LIG3: variants seen among roughly 807,000 people sequenced by gnomAD.
The protein encoded by LIG3 is ligase II, DNA, ATP-dependent.
In LIG3, 58 loss-of-function variants were observed where a neutral mutation model predicts 110.9. The ratio of observed to expected loss-of-function variants is 0.52; its 90% CI spans 0.42 to 0.65. The LOEUF (loss-of-function observed/expected upper bound fraction) is 0.65. Ranked by LOEUF, LIG3 falls within the 30% of genes least tolerant of loss-of-function variation. The probability of loss-of-function intolerance (pLI) is 0.00; values close to 1 mark genes in which losing one functional copy is unlikely to be tolerated. For synonymous variants in LIG3, 422 were observed against 472.8 expected (o/e 0.89, Z 1.39); for missense variants, 1,094 against 1,273.8 (o/e 0.86, Z 2.15).
Position 34,986,064 on chromosome 17 carries a change from G to A in LIG3, c.624G>A (p.Val208=), listed in dbSNP as rs1245081624. ...VQAKLTTTGQ[V]TSPVKGASFV... ...CTAAGTTGACAACCACTGGCCAGGT[G>A]ACTTCTCCAGTGAAAGGCGCCTCAT... Residue 208 remains valine (V), a synonymous_variant, in exon 3 of 20, where the codon GTG becomes GTA. Coordinates refer to ENST00000378526, the MANE Select transcript of LIG3 (RefSeq NM_013975.4). 1 of 1,614,118 alleles carries A rather than the reference G, an allele frequency of 6.2e-7. No individual in the cohort carries two copies. Among genetic ancestry groups the A allele is most frequent in the Admixed American group, 1.7e-5 (1 of 60,020 alleles).
downstream of LIG3, chr17:35,010,396 A>G (rs910397363): frequency 6.6e-6 from 1 of 152,226 alleles, no homozygotes; most frequent in African/African-American, 2.4e-5. Flanking sequence ...CTAGGGGTGT[A>G]AAGACTGTGA....
At chr17:35,001,873 A>G (rs1481978398) in intron 17 of LIG3, 36 bp from the exon 18 acceptor site, 1 of 1,585,668 alleles carries the variant, frequency 6.3e-7, no homozygotes, top group Admixed American at 1.9e-5. Flanking sequence ...CTGGGAAGGC[A>G]ATGAAACCCT....
rs988309193 is a variant in LIG3, at chr17:35,008,739, C to T, written c.*4233C>T. On this transcript the variant is annotated 3_prime_UTR_variant, in exon 20 of 20. Coordinates refer to ENST00000378526, the MANE Select transcript of LIG3 (RefSeq NM_013975.4). ...CTCCGCCTCCCGGGTTCACACCATT[C>T]TCCTGCCTCAGCCTCCCGAGTAGCT... is the stretch of plus-strand genomic sequence containing the variant. The T allele has an allele frequency of 2.6e-5, 4 of 152,186 alleles. No homozygotes were observed. The highest frequency in any genetic ancestry group is 9.7e-5 in the African/African-American group (4 of 41,432). The allele number at this position is 152,186 out of a possible 1,614,324, so 9.4% of individuals were successfully genotyped here.
At chr17:35,003,020 G>GCC in intron 19 of LIG3, 1 of 1,614,204 alleles carries the variant, frequency 6.2e-7, no homozygotes, top group Non-Finnish European at 8.5e-7. Context: ...GAGCAGAGAG[G>GCC]AAGAACTGTG....
Position 34,992,701 on chromosome 17 carries a change from T to TG in LIG3, c.1455+10dup. On this transcript the variant is annotated intron_variant, in intron 8 of 19. Coordinates refer to ENST00000378526, the MANE Select transcript of LIG3 (RefSeq NM_013975.4). The stretch of plus-strand genomic sequence containing the variant: ...CTGTGCAGCCCATGTTGGTGAGGAG[T>TG]GCTCCCCTGCCTCTGCTTTCCAGCC... 1.3e-6 allele frequency: 2 copies of TG among 1,563,826 alleles called. No homozygotes were observed. The highest frequency in any genetic ancestry group is 1.7e-6 in the Non-Finnish European group (2 of 1,156,272).
chr17:34,991,396 T>C, intron 5 of LIG3: 1 of 567,088 alleles, frequency 1.8e-6, no homozygotes. Context: ...CTGGGGCTTT[T>C]ATTCTGGACT....
chr17:35,002,816 C>A, intron 19 of LIG3, 27 bp downstream of exon 19: 1 of 1,579,480 alleles, frequency 6.3e-7, no homozygotes, highest in Non-Finnish European at 8.6e-7. Flanking sequence ...CAACACACCA[C>A]GTGGGCCAGT....
Position 34,991,997 on chromosome 17 carries a change from C to G in LIG3, c.1248C>G (p.Ile416Met), listed in dbSNP as rs1241032857. The change falls in exon 7 of 20, where the codon ATC (isoleucine) becomes ATG (methionine). Residue 416 changes from isoleucine to methionine, a missense_variant. Ile to Met is a conservative substitution (Grantham distance 10, BLOSUM62 1). Transcript: ENST00000378526. The part of the protein sequence containing the change: ...ANDLKCIIRL[I>M]KHDLKMNSGA... ...ACCTTAAATGCATCATCAGGTTGAT[C>G]AAACATGATCTGAAGATGAACTCAG... The G allele has an allele frequency of 1.2e-6, 2 of 1,613,926 alleles. No individual in the cohort carries two copies. Among genetic ancestry groups the G allele is most frequent in the South Asian group, 1.1e-5 (1 of 91,076 alleles).
intron 6 of LIG3, 60 bp from the exon 7 acceptor site, chr17:34,991,898 A>G: frequency 6.8e-6 from 11 of 1,613,458 alleles, no homozygotes; most frequent in South Asian, 3.3e-5. Flanking sequence ...TGGGAAGGGA[A>G]GGTTCCCTTG....
At chr17:34,998,480 G>C (rs2090804144) in intron 13 of LIG3, 124 bp from the exon 14 acceptor site, 2 of 1,269,412 alleles carry the variant, frequency 1.6e-6, no homozygotes, top group Non-Finnish European at 2.2e-6. Flanking sequence ...AGTGCCTGGA[G>C]CCTGAGGGCT....
chr17:34,989,455 T>G lies in LIG3; in HGVS notation c.692-11T>G, dbSNP rs778350543. Reference sequence around the variant, plus strand: ...GGCAGAATGAATTCATCTCTGTTGTTTCTCCAACAGCCAAGCCCAACAACT... The same window carrying G: ...GGCAGAATGAATTCATCTCTGTTGTGTCTCCAACAGCCAAGCCCAACAACT... On this transcript the variant is annotated splice_polypyrimidine_tract_variant and intron_variant, in intron 3 of 19. Transcript: ENST00000378526. 2 of 1,611,828 alleles carry G rather than the reference T, an allele frequency of 1.2e-6. No homozygotes were observed. The highest frequency in any genetic ancestry group is 2.2e-5 in the South Asian group (2 of 91,002).
rs774820776 is a variant in LIG3, at chr17:35,004,333, A to T, written c.2857A>T (p.Ser953Cys). 15 of 1,614,046 alleles carry T rather than the reference A, an allele frequency of 9.3e-6. No individual in the cohort carries two copies. Among genetic ancestry groups the T allele is most frequent in the Non-Finnish European group, 1.3e-5 (15 of 1,180,024 alleles). ...CTTGCCACCCTCCACACCAGACTTC[A>T]GCCGTCTCAGACGCTACTTTGTGGC... The part of the protein sequence containing the change: ...LYLPPSTPDF[S>C]RLRRYFVAFD... Residue 953 changes from serine (S) to cysteine (C), a missense_variant, in exon 20 of 20, where the codon AGC (serine) becomes TGC (cysteine). Transcript: ENST00000378526.
Position 34,999,799 on chromosome 17 carries a change from C to T in LIG3, c.2274C>T (p.Pro758=), listed in dbSNP as rs1289884060. Residue 758 remains proline, a synonymous_variant, in exon 16 of 20, where the codon CCC becomes CCT. Coordinates refer to ENST00000378526, the MANE Select transcript of LIG3 (RefSeq NM_013975.4). The part of the protein sequence containing the change: ...VKISKDPSKI[P]SWLKVNKIYY... ...TCCTCTAGGACCCCAGCAAAATACC[C>T]AGCTGGTTGAAGGTCAACAAGATCT... The T allele has an allele frequency of 7.4e-6, 12 of 1,613,950 alleles. No homozygotes were observed. The highest frequency in any genetic ancestry group is 1.0e-5 in the Non-Finnish European group (12 of 1,179,948).
rs780735155 is a variant in LIG3, at chr17:34,994,417, G to A, written c.1597G>A (p.Val533Ile). ...FSYFSRSLKP[V>I]LPHKVAHFKD... ...CTACTTCAGCCGCAGTCTCAAGCCC[G>A]TCCTTCCTCACAAGGTATGAGTGCC... Residue 533 changes from valine (V) to isoleucine (I), a missense_variant, in exon 9 of 20, where the codon GTC (valine) becomes ATC (isoleucine). Coordinates refer to ENST00000378526, the MANE Select transcript of LIG3 (RefSeq NM_013975.4). 24 of 1,613,664 alleles carry A rather than the reference G, an allele frequency of 1.5e-5. No individual in the cohort carries two copies. Among genetic ancestry groups the A allele is most frequent in the East Asian group, 4.5e-5 (2 of 44,880 alleles).
intron 19 of LIG3, chr17:35,003,475 C>T (rs143541121): frequency 3.0e-4 from 53 of 179,354 alleles, no homozygotes; most frequent in Non-Finnish European, 5.0e-4. Context: ...CCACCATGCC[C>T]GGCTAATTTT....
chr17:34,998,819 C>A, intron 14 of LIG3, 92 bp downstream of exon 14: 1 of 1,467,298 alleles, frequency 6.8e-7, no homozygotes, highest in Non-Finnish European at 9.2e-7. Context: ...GATCTGCCAG[C>A]ATGGCCAGTT....
In LIG3 at chr17:35,002,229, A is replaced by T. The variant is rs1050380263; in HGVS notation, c.2674+125A>T. ...TGATTATCTGTGTCCACTGCAGTGG[A>T]CACAGACTACATTCCTGGTGTGTGT... On this transcript the variant is annotated intron_variant, in intron 18 of 19. Transcript: ENST00000378526. 3.7e-6 allele frequency: 3 copies of T among 815,998 alleles called. No individual in the cohort carries two copies. In the African/African-American group the frequency reaches 5.3e-5, roughly 14 times the overall value. 50.5% of individuals were successfully genotyped at this position (815,998 alleles called of 1,614,324 possible). A position where few individuals can be genotyped will look rare whatever the true frequency, so the allele number is the denominator to read the frequency against.
chr17:34,985,835 A>G, intron 2 of LIG3, 153 bp from the exon 3 acceptor site: 1 of 630,200 alleles, frequency 1.6e-6, no homozygotes, highest in South Asian at 2.0e-5. Context: ...TACTACCCCC[A>G]CTCAAAAAAT....
intron 17 of LIG3, 105 bp downstream of exon 17, chr17:35,001,508 A>C: frequency 8.2e-7 from 1 of 1,225,130 alleles, no homozygotes; most frequent in Non-Finnish European, 1.2e-6. Context: ...CCTTTCCCCC[A>C]TTCTCCTGAG....
Sources: allele counts gnomAD v4.1 joint callset, GRCh38; gene constraint gnomAD v4.1.1; transcripts MANE v1.5; gene names NCBI Gene and HGNC (gene_info 2026-07-23, HGNC 2026-07-21).